Variants in ASH1L observed in about 807,000 individuals in gnomAD.
ASH1L encodes ASH1 like histone lysine methyltransferase.
ASH1L carries 23 observed loss-of-function variants against 269.0 expected under a neutral mutation model. That is an observed-to-expected ratio of 0.09 (90% CI 0.06 to 0.12). The LOEUF (loss-of-function observed/expected upper bound fraction) is 0.12. Ranked by LOEUF, ASH1L falls within the 10% of genes least tolerant of loss-of-function variation. The probability of loss-of-function intolerance (pLI) is 1.00; values close to 1 mark genes in which losing one functional copy is unlikely to be tolerated. For synonymous variants in ASH1L, 1,187 were observed against 1,253.5 expected, an observed-to-expected ratio of 0.95 and a Z score of 1.12; for missense variants, 2,912 against 3,567.8, an observed-to-expected ratio of 0.82 and a Z score of 4.68.
intron 10 of ASH1L, among the ~76,000 whole-genome samples, chr1:155,376,134 C>T (rs1656418383): frequency 6.6e-6 from 1 of 151,910 alleles, no homozygotes; most frequent in South Asian, 2.1e-4. Context: ...AGCTTGTGGA[C>T]CACACTGTTT....
At chr1:155,502,654 T>C (rs1268175697) in intron 2 of ASH1L, among the ~76,000 whole-genome samples, 2 of 152,302 alleles carry the variant, frequency 1.3e-5, no homozygotes, top group East Asian at 3.9e-4. Context: ...ATATATGCAA[T>C]GGAAACACAG....
intron 6 of ASH1L, among the ~76,000 whole-genome samples, chr1:155,415,165 C>T (rs560348105): frequency 3.3e-4 from 50 of 151,972 alleles, no homozygotes; most frequent in Non-Finnish European, 6.2e-4. Context: ...AGGTGGATCA[C>T]GAGGTCAGGA....
intron 5 of ASH1L, among the ~76,000 whole-genome samples, chr1:155,436,847 AG>A (rs1662141767): frequency 6.6e-6 from 1 of 152,102 alleles, no homozygotes; most frequent in African/African-American, 2.4e-5. Context: ...ATTTTGAGTT[AG>A]ATTTTGTATA....
At position 155,562,600 on chromosome 1, in the gene ASH1L, G is replaced by A; in HGVS notation, c.-547C>T. 2.6e-6 allele frequency: 4 copies of A among 1,528,110 alleles called. No homozygotes were observed. The South Asian group carries it at 4.8e-5, about 18-fold the overall frequency. The allele number at this position is 1,528,110 out of a possible 1,614,324, so 94.7% of individuals were successfully genotyped here. A position where few individuals can be genotyped will look rare whatever the true frequency, so the allele number is the denominator to read the frequency against. Reference sequence around the variant, plus strand: ...CTCCGTCCGCGTAGCGCGCACGCCCGCCCGCACGCGTACGAGTGTCTACGG... The same window carrying A: ...CTCCGTCCGCGTAGCGCGCACGCCCACCCGCACGCGTACGAGTGTCTACGG... On this transcript the variant is annotated 5_prime_UTR_variant, in exon 1 of 28. Transcript: ENST00000392403.
At chr1:155,536,912 G>A (rs1670094401) in intron 1 of ASH1L, among the ~76,000 whole-genome samples, 1 of 151,788 alleles carries the variant, frequency 6.6e-6, no homozygotes, top group South Asian at 2.1e-4. Context: ...GGGCGTGGTG[G>A]CGAGTGCCTG....
intron 2 of ASH1L, among the ~76,000 whole-genome samples, chr1:155,496,368 C>A (rs767158526): frequency 6.6e-6 from 1 of 152,110 alleles, no homozygotes; most frequent in Non-Finnish European, 1.5e-5. Context: ...ACGCAGCACG[C>A]GACTGTAGTT....
chr1:155,410,034 G>A (rs1659640151), intron 6 of ASH1L, among the ~76,000 whole-genome samples: 1 of 151,796 alleles, frequency 6.6e-6, no homozygotes. Context: ...GCGTGGTGGT[G>A]GGCACCTGTA....
chr1:155,450,514 G>T (rs1032440397), intron 4 of ASH1L, among the ~76,000 whole-genome samples: 2 of 151,974 alleles, frequency 1.3e-5, no homozygotes, highest in African/African-American at 2.4e-5. Context: ...CTTCATTTTG[G>T]ATAACTATTA....
At chr1:155,475,742 T>C (rs1665488403) in intron 3 of ASH1L, among the ~76,000 whole-genome samples, 1 of 152,218 alleles carries the variant, frequency 6.6e-6, no homozygotes, top group Non-Finnish European at 1.5e-5. Flanking sequence ...GAATGAATAA[T>C]GAATGAGTCT....
chr1:155,378,471 G>A lies in ASH1L; in HGVS notation c.6223+32C>T, dbSNP rs1406287244. On this transcript the variant is annotated intron_variant, in intron 9 of 27. Coordinates refer to ENST00000392403, the MANE Select transcript of ASH1L (RefSeq NM_018489.3). ...AGGCTCAGAAGAACATTAACGTATA[G>A]AGGCAGAAAAAATAGCTCCTAAGTT... 2.5e-6 allele frequency: 4 copies of A among 1,612,188 alleles called. No individual in the cohort carries two copies. In the East Asian group the frequency reaches 6.7e-5, roughly 27 times the overall value.
Position 155,534,942 on chromosome 1 carries a change from C to G in ASH1L, c.-99-13324G>C, listed in dbSNP as rs531362850. 3.0e-4 allele frequency among the ~76,000 whole-genome samples: 46 copies of G among 152,314 alleles called. 3 individuals carry two copies. The South Asian group carries it at 5.8e-3, about 19-fold the overall frequency. On this transcript the variant is annotated intron_variant, in intron 1 of 27. Coordinates refer to ENST00000392403, the MANE Select transcript of ASH1L (RefSeq NM_018489.3). Reference sequence around the variant, plus strand: ...CGGTGGCTCATGCCCATAACCTCAGCACTTTGGCAGGCCAAGGCGGGTGGA... The same window carrying G: ...CGGTGGCTCATGCCCATAACCTCAGGACTTTGGCAGGCCAAGGCGGGTGGA...
At chr1:155,436,338 T>C (rs1400056868) in intron 5 of ASH1L, among the ~76,000 whole-genome samples, 1 of 147,858 alleles carries the variant, frequency 6.8e-6, no homozygotes. Flanking sequence ...ATTACAGGCA[T>C]GTGCCACCAT....
intron 5 of ASH1L, among the ~76,000 whole-genome samples, chr1:155,419,699 G>A (rs1660513130): frequency 6.6e-6 from 1 of 152,126 alleles, no homozygotes; most frequent in South Asian, 2.1e-4. Context: ...ATATGTACAG[G>A]TTAAATTGCA....
At chr1:155,441,898 T>G (rs1357064954) in intron 4 of ASH1L, among the ~76,000 whole-genome samples, 1 of 151,744 alleles carries the variant, frequency 6.6e-6, no homozygotes, top group Admixed American at 6.6e-5. Flanking sequence ...CCTGAGTAGC[T>G]GGGACTACAG....
intron 7 of ASH1L, among the ~76,000 whole-genome samples, chr1:155,386,213 GC>G (rs1657416181): frequency 6.6e-6 from 1 of 151,604 alleles, no homozygotes; most frequent in Admixed American, 6.6e-5. Context: ...GATTACAGGA[GC>G]CCACCACCGT....
chr1:155,395,558 G>C lies in ASH1L; in HGVS notation c.6009-5C>G, dbSNP rs766474666. On this transcript the variant is annotated splice_polypyrimidine_tract_variant and splice_region_variant and intron_variant, in intron 6 of 27. Coordinates refer to ENST00000392403, the MANE Select transcript of ASH1L (RefSeq NM_018489.3). ...TGGATCAATCGACTCTTTGGGCTGT[G>C]ATAAAAAAAGAATGGGAAACAGTCA... 3 of 1,599,114 alleles carry C rather than the reference G, an allele frequency of 1.9e-6. No homozygotes were observed. Among genetic ancestry groups the C allele is most frequent in the Admixed American group, 3.5e-5 (2 of 56,662 alleles).
In ASH1L at chr1:155,558,239, C is replaced by T. The variant is rs1201805896; in HGVS notation, c.-100+3914G>A. Among the ~76,000 whole-genome samples, 18 of 152,084 alleles carry T rather than the reference C, an allele frequency of 1.2e-4. No homozygotes were observed. The East Asian group carries it at 3.5e-3, about 29-fold the overall frequency. On this transcript the variant is annotated intron_variant, in intron 1 of 27. Transcript: ENST00000392403. Reference sequence around the variant, plus strand: ...ATCCCAACACTTTGGGAGGCCGAGGCGGGTGGATCACCAGAGGTCAGGAGT... The same window carrying T: ...ATCCCAACACTTTGGGAGGCCGAGGTGGGTGGATCACCAGAGGTCAGGAGT...
intron 17 of ASH1L, 112 bp downstream of exon 17, chr1:155,352,594 C>G: frequency 2.7e-6 from 3 of 1,127,970 alleles, no homozygotes; most frequent in Non-Finnish European, 3.6e-6. Flanking sequence ...CACTTGAGCC[C>G]AGGAGTCTGA....
chr1:155,507,872 G>A (rs1571014279), intron 2 of ASH1L, among the ~76,000 whole-genome samples: 1 of 152,274 alleles, frequency 6.6e-6, no homozygotes, highest in East Asian at 1.9e-4. Flanking sequence ...CTCTTTAGAA[G>A]AAGACCGTGT....
Sources: allele counts gnomAD v4.1 joint callset (sites outside exome capture counted in the v4.1 genomes callset), GRCh38; gene constraint gnomAD v4.1.1; transcripts MANE v1.5; gene names NCBI Gene and HGNC (gene_info 2026-07-23, HGNC 2026-07-21).